CTNNA2: variants seen among roughly 807,000 people sequenced by gnomAD.
CTNNA2 encodes catenin alpha-2.
In CTNNA2, 42 loss-of-function variants were observed where a neutral mutation model predicts 101.0. The observed-to-expected ratio is 0.42, with a 90% CI of 0.32 to 0.54. The LOEUF is 0.54. CTNNA2 is among the 20% of genes least tolerant of loss of function. The pLI, the probability that CTNNA2 is intolerant of heterozygous loss-of-function variation, is 0.14. For synonymous variants in CTNNA2, 450 were observed against 456.4 expected, an observed-to-expected ratio of 0.99 and a Z score of 0.18; for missense variants, 871 against 1,223.1, an observed-to-expected ratio of 0.71 and a Z score of 4.29.
intron 3 of CTNNA2, among the ~76,000 whole-genome samples, chr2:79,817,316 C>CTTTTTTTTTTTT (rs550422225): frequency 1.4e-5 from 1 of 73,846 alleles, no homozygotes. Context: ...TTCTCTCTCA[C>CTTTTTTTTTTTT]TTTTTTTTTT....
At chr2:79,268,732 G>A (rs190170793) in intron 2 of CTNNA2, among the ~76,000 whole-genome samples, 89 of 152,228 alleles carry the variant, frequency 5.8e-4, no homozygotes, top group Admixed American at 2.6e-3. Flanking sequence ...AACTGATTGC[G>A]TGGGTGGTGT....
intron 3 of CTNNA2, among the ~76,000 whole-genome samples, chr2:79,757,825 T>C (rs535610941): frequency 2.0e-5 from 3 of 152,328 alleles, no homozygotes; most frequent in East Asian, 3.9e-4. Context: ...CATGAGTTCA[T>C]TGGGGCTCAT....
intron 4 of CTNNA2, among the ~76,000 whole-genome samples, chr2:79,463,504 A>C (rs1428841685): frequency 6.6e-6 from 1 of 152,086 alleles, no homozygotes; most frequent in African/African-American, 2.4e-5. Context: ...GCTTCTGTTT[A>C]AAATTCATAT....
intron 7 of CTNNA2, among the ~76,000 whole-genome samples, chr2:79,937,569 C>A (rs1250363168): frequency 1.1e-4 from 16 of 152,102 alleles, no homozygotes; most frequent in Admixed American, 1.0e-3. Context: ...TATTACTATG[C>A]CTTCAAAGGA....
At chr2:79,507,477 C>A (rs552695849) in intron 5 of CTNNA2, among the ~76,000 whole-genome samples, 3 of 152,118 alleles carry the variant, frequency 2.0e-5, no homozygotes, top group Non-Finnish European at 4.4e-5. Flanking sequence ...CTGTCTCTTG[C>A]CTTTCCACCA....
At chr2:79,269,656 G>C (rs183162030) in intron 2 of CTNNA2, among the ~76,000 whole-genome samples, 1 of 152,138 alleles carries the variant, frequency 6.6e-6, no homozygotes, top group Non-Finnish European at 1.5e-5. Context: ...AAATTCAAAG[G>C]ATATCTTCTC....
chr2:80,445,374 G>T (rs372635118), intron 9 of CTNNA2, among the ~76,000 whole-genome samples: 12 of 151,942 alleles, frequency 7.9e-5, no homozygotes, highest in African/African-American at 2.7e-4. Flanking sequence ...TAGTGATGGG[G>T]TTTTTCCGTG....
chr2:79,528,007 G>A (rs540576520), intron 1 of CTNNA2, among the ~76,000 whole-genome samples: 9 of 152,290 alleles, frequency 5.9e-5, no homozygotes, highest in South Asian at 2.1e-4. Flanking sequence ...ACTGATACAC[G>A]TGAAACGTGG....
chr2:79,202,363 G>A (rs1484867788), intron 2 of CTNNA2, among the ~76,000 whole-genome samples: 1 of 147,708 alleles, frequency 6.8e-6, no homozygotes, highest in African/African-American at 2.5e-5. Context: ...ATTTTTTTGA[G>A]ACAGGGTCTC....
chr2:79,825,961 C>CCAA (rs2105400389), intron 3 of CTNNA2, among the ~76,000 whole-genome samples: 1 of 152,160 alleles, frequency 6.6e-6, no homozygotes, highest in East Asian at 1.9e-4. Context: ...TATTATAATA[C>CCAA]GTTGTGATGG....
intron 9 of CTNNA2, among the ~76,000 whole-genome samples, chr2:80,543,189 T>G (rs575869560): frequency 6.6e-6 from 1 of 152,250 alleles, no homozygotes; most frequent in African/African-American, 2.4e-5. Context: ...GATTGTAAAA[T>G]GAACCAGAAT....
At chr2:79,729,117 A>G (rs1433704682) in intron 2 of CTNNA2, among the ~76,000 whole-genome samples, 7 of 152,218 alleles carry the variant, frequency 4.6e-5, no homozygotes, top group Non-Finnish European at 1.0e-4. Context: ...TTTAATTTAT[A>G]GCTGACAAAA....
intron 2 of CTNNA2, among the ~76,000 whole-genome samples, chr2:79,207,221 G>A (rs554249698): frequency 6.6e-6 from 1 of 152,176 alleles, no homozygotes; most frequent in East Asian, 1.9e-4. Flanking sequence ...GGGAGTATTT[G>A]CAAAACAGGC....
At chr2:79,706,319 C>T (rs1474910530) in intron 2 of CTNNA2, among the ~76,000 whole-genome samples, 2 of 139,010 alleles carry the variant, frequency 1.4e-5, no homozygotes, top group African/African-American at 5.4e-5. Context: ...GCCGAGATCA[C>T]GCCACTGCAC....
chr2:79,721,737 A>G (rs1023194399), intron 2 of CTNNA2, among the ~76,000 whole-genome samples: 14 of 152,198 alleles, frequency 9.2e-5, no homozygotes, highest in Non-Finnish European at 1.5e-4. Context: ...CAGCTCTTCT[A>G]CTGAATATGT....
chr2:80,187,883 A>G (rs1706234137), intron 7 of CTNNA2, among the ~76,000 whole-genome samples: 1 of 151,884 alleles, frequency 6.6e-6, no homozygotes, highest in Non-Finnish European at 1.5e-5. Context: ...CCTTACAACC[A>G]TATGTATCTT....
intron 9 of CTNNA2, among the ~76,000 whole-genome samples, chr2:80,457,261 G>A (rs1218194453): frequency 3.3e-5 from 5 of 151,876 alleles, no homozygotes; most frequent in Non-Finnish European, 5.9e-5. Flanking sequence ...ATGGGATTTC[G>A]CCGTGTTGGC....
At chr2:79,639,574 T>C (rs117081368) in intron 1 of CTNNA2, among the ~76,000 whole-genome samples, 5 of 152,318 alleles carry the variant, frequency 3.3e-5, no homozygotes, top group South Asian at 2.1e-4. Context: ...TTAAAAGTTT[T>C]TTTTTCGTTT....
At chr2:79,380,666 T>A (rs781578291) in intron 4 of CTNNA2, among the ~76,000 whole-genome samples, 1 of 152,174 alleles carries the variant, frequency 6.6e-6, no homozygotes, top group Non-Finnish European at 1.5e-5. Flanking sequence ...AACACCTGGA[T>A]GATTGCAATT....
Sources: gnomAD v4.1 joint callset for allele counts (sites outside exome capture counted in the v4.1 genomes callset) on GRCh38, gnomAD v4.1.1 for gene constraint, MANE v1.5 for transcripts, NCBI Gene and HGNC (gene_info 2026-07-23, HGNC 2026-07-21) for gene names.